SHB: variants seen among roughly 807,000 people sequenced by gnomAD.
The protein encoded by SHB is SH2 domain-containing adapter protein B.
SHB carries 20 observed loss-of-function variants against 52.3 expected under a neutral mutation model. The observed-to-expected ratio is 0.38, with a 90% CI of 0.27 to 0.56. The LOEUF (loss-of-function observed/expected upper bound fraction) is 0.56, where lower values mean the gene tolerates loss of function less well. Ranked by LOEUF, SHB falls within the 20% of genes least tolerant of loss-of-function variation. The pLI is 0.71. For synonymous variants in SHB, 397 were observed against 316.5 expected, an observed-to-expected ratio of 1.25 and a Z score of -2.70; for missense variants, 825 against 723.3, an observed-to-expected ratio of 1.14 and a Z score of -1.61.
intron 1 of SHB, among the ~76,000 whole-genome samples, chr9:38,067,623 C>G (rs1350157943): frequency 6.6e-6 from 1 of 152,156 alleles, no homozygotes; most frequent in Non-Finnish European, 1.5e-5. Context: ...AGCTCTGACT[C>G]TGACTTTACT....
At chr9:38,062,942 G>A (rs968057065) in intron 1 of SHB, among the ~76,000 whole-genome samples, 3 of 152,180 alleles carry the variant, frequency 2.0e-5, no homozygotes, top group Non-Finnish European at 4.4e-5. Flanking sequence ...AACCACGGGC[G>A]GTTTTGGGGT....
intron 1 of SHB, among the ~76,000 whole-genome samples, chr9:38,057,369 G>A (rs78476467): frequency 0.049 from 7,464 of 152,236 alleles, 261 homozygotes; most frequent in East Asian, 0.16. Context: ...TGTTAATGGT[G>A]GTTTCTTTGA....
intron 2 of SHB, among the ~76,000 whole-genome samples, chr9:37,982,280 G>A (rs1251580373): frequency 1.3e-5 from 2 of 151,552 alleles, no homozygotes; most frequent in Admixed American, 1.3e-4. Flanking sequence ...ATCACCTGAG[G>A]ACAGGAGTTC....
Position 38,058,525 on chromosome 9 carries a change from T to C in SHB, c.717+9404A>G, listed in dbSNP as rs140112114. Among the ~76,000 whole-genome samples the C allele has an allele frequency of 3.1e-3, 465 of 152,348 alleles. 4 individuals are homozygous for C. Among genetic ancestry groups the C allele is most frequent in the Admixed American group, 0.01 (155 of 15,304 alleles). On this transcript the variant is annotated intron_variant, in intron 1 of 5. Transcript: ENST00000377707. ...CTGCTTTCAGTGGTCTGCCTGCTGGTGCCCTCTCTGCTCTAGAATCTCCAG... is the reference window on the plus strand; with the variant it reads ...CTGCTTTCAGTGGTCTGCCTGCTGGCGCCCTCTCTGCTCTAGAATCTCCAG...
chr9:38,065,967 C>CTTCA (rs1302449569), intron 1 of SHB, among the ~76,000 whole-genome samples: 1 of 152,194 alleles, frequency 6.6e-6, no homozygotes, highest in Non-Finnish European at 1.5e-5. Flanking sequence ...CCCCCAACCT[C>CTTCA]TCCCTTGCCC....
At chr9:38,027,358 G>A (rs950662582) in intron 1 of SHB, among the ~76,000 whole-genome samples, 1 of 152,170 alleles carries the variant, frequency 6.6e-6, no homozygotes, top group African/African-American at 2.4e-5. Flanking sequence ...CTGAGTCAAT[G>A]AACCAAGGGA....
At chr9:37,964,592 G>A (rs1047883975) in intron 3 of SHB, among the ~76,000 whole-genome samples, 2 of 152,066 alleles carry the variant, frequency 1.3e-5, no homozygotes, top group Non-Finnish European at 2.9e-5. Context: ...GGAAATGGAG[G>A]GCTGGAAAAA....
chr9:37,932,742 G>A (rs1036776554), intron 5 of SHB, among the ~76,000 whole-genome samples: 1 of 152,202 alleles, frequency 6.6e-6, no homozygotes, highest in Admixed American at 6.5e-5. Context: ...GCCACCCAAG[G>A]AGCTAGGACA....
At chr9:37,950,945 C>T (rs1287932795) in intron 4 of SHB, among the ~76,000 whole-genome samples, 1 of 152,222 alleles carries the variant, frequency 6.6e-6, no homozygotes, top group East Asian at 1.9e-4. Flanking sequence ...GATGCTGCCT[C>T]CTGGTGCCTG....
chr9:37,980,264 G>A (rs2117982620), intron 2 of SHB, among the ~76,000 whole-genome samples: 1 of 152,338 alleles, frequency 6.6e-6, no homozygotes. Context: ...AAACTCTGCT[G>A]CTGCTTCATC....
Position 38,044,647 on chromosome 9 carries a change from A to G in SHB, c.717+23282T>C, listed in dbSNP as rs554299956. Among the ~76,000 whole-genome samples, 3 of 152,354 alleles carry G rather than the reference A, an allele frequency of 2.0e-5. No homozygotes were observed. In the South Asian group the frequency reaches 6.2e-4, roughly 32 times the overall value. On this transcript the variant is annotated intron_variant, in intron 1 of 5. Coordinates refer to ENST00000377707, the MANE Select transcript of SHB (RefSeq NM_003028.3). ...AGGCAGCACAGGCCTGCATGAGGCC[A>G]CTAGAAGCCTAAAATGTAGAGTCTT... is the stretch of plus-strand genomic sequence containing the variant.
intron 5 of SHB, among the ~76,000 whole-genome samples, chr9:37,921,118 G>A (rs1216067593): frequency 1.3e-5 from 2 of 152,138 alleles, no homozygotes; most frequent in African/African-American, 4.8e-5. Flanking sequence ...ATTCTACTGT[G>A]ATTCTGCCAC....
intron 4 of SHB, among the ~76,000 whole-genome samples, chr9:37,955,104 C>T (rs901325550): frequency 7.9e-5 from 12 of 152,118 alleles, no homozygotes; most frequent in African/African-American, 2.7e-4. Context: ...AGCAAGAACA[C>T]GACTGTAGCT....
At chr9:38,026,927 C>G (rs1433761470) in intron 1 of SHB, among the ~76,000 whole-genome samples, 1 of 152,222 alleles carries the variant, frequency 6.6e-6, no homozygotes, top group South Asian at 2.1e-4. Flanking sequence ...GCCTCCTCCC[C>G]CTGCTCTTGC....
intron 1 of SHB, among the ~76,000 whole-genome samples, chr9:38,019,343 C>G (rs1218979553): frequency 6.6e-6 from 1 of 152,244 alleles, no homozygotes; most frequent in Non-Finnish European, 1.5e-5. Flanking sequence ...TTGTTTTCCA[C>G]AGGGCCCACT....
At chr9:37,989,183 G>A (rs1050390150) in intron 2 of SHB, among the ~76,000 whole-genome samples, 15 of 152,014 alleles carry the variant, frequency 9.9e-5, no homozygotes, top group African/African-American at 3.6e-4. Flanking sequence ...TGTCCAGAAC[G>A]TGGTCCTTAG....
At chr9:37,968,262 G>A (rs142124596) in intron 3 of SHB, among the ~76,000 whole-genome samples, 577 of 152,340 alleles carry the variant, frequency 3.8e-3, no homozygotes, top group Non-Finnish European at 6.3e-3. Flanking sequence ...GAGATCCAGT[G>A]TGAGAAGTTG....
intron 4 of SHB, among the ~76,000 whole-genome samples, chr9:37,950,548 C>T (rs1024511699): frequency 3.3e-5 from 5 of 152,250 alleles, no homozygotes; most frequent in African/African-American, 7.2e-5. Flanking sequence ...GGTCTCTGCG[C>T]GGTAGTGGAG....
intron 2 of SHB, among the ~76,000 whole-genome samples, chr9:38,005,754 T>G (rs996024139): frequency 4.6e-5 from 7 of 152,060 alleles, no homozygotes; most frequent in African/African-American, 1.7e-4. Context: ...ATTAGTCAAA[T>G]AATAGGGTGT....
Sources: allele counts gnomAD v4.1 joint callset (sites outside exome capture counted in the v4.1 genomes callset), GRCh38; gene constraint gnomAD v4.1.1; transcripts MANE v1.5; gene names NCBI Gene and HGNC (gene_info 2026-07-23, HGNC 2026-07-21).